RUNDC1: variants seen among roughly 807,000 people sequenced by gnomAD.
The protein encoded by RUNDC1 is RUN domain-containing protein 1.
Under a neutral mutation model 49.3 loss-of-function variants are expected in RUNDC1, and 31 were observed. The observed-to-expected ratio is 0.63, with a 90% CI of 0.47 to 0.85. The LOEUF (loss-of-function observed/expected upper bound fraction) is 0.85, where lower values mean the gene tolerates loss of function less well. RUNDC1 is among the 40% of genes least tolerant of loss of function. The pLI, the probability that RUNDC1 is intolerant of heterozygous loss-of-function variation, is 0.00. For missense variants in RUNDC1, 715 were observed against 806.7 expected, an observed-to-expected ratio of 0.89 and a Z score of 1.38; for synonymous variants, 347 against 348.6, an observed-to-expected ratio of 1.00 and a Z score of 0.05.
intron 3 of RUNDC1, 95 bp from the exon 4 acceptor site, chr17:42,990,222 C>G: frequency 1.3e-6 from 2 of 1,498,952 alleles, no homozygotes; most frequent in Non-Finnish European, 1.8e-6. Context: ...TTGTGAAATT[C>G]TTGTTTCTAA....
chr17:42,989,521 T>C lies in RUNDC1; in HGVS notation c.838T>C (p.Phe280Leu). The stretch of plus-strand genomic sequence containing the variant: ...AACTCAGATCCGAGACCTTGAGATG[T>C]TTATCAACTTCATCCAAGGTTAGAG... ...LKTQIRDLEM[F>L]INFIQDEVGS... is the part of the protein sequence containing the mutation. The change falls in exon 3 of 5, where the codon TTT (phenylalanine) becomes CTT (leucine). Residue 280 changes from phenylalanine to leucine, a missense_variant. Physicochemically the swap from Phe to Leu is conservative, Grantham distance 22. Around this residue, in one of 5 missense-constraint regions of RUNDC1, gnomAD observed 425 missense variants for 499.7 expected, o/e 0.85. Transcript: ENST00000361677. 1.9e-6 allele frequency: 3 copies of C among 1,614,106 alleles called. No homozygotes were observed. The highest frequency in any genetic ancestry group is 1.7e-6 in the Non-Finnish European group (2 of 1,179,986).
At chr17:42,986,691 C>A (rs909705219) in intron 1 of RUNDC1, among the ~76,000 whole-genome samples, 2 of 151,640 alleles carry the variant, frequency 1.3e-5, no homozygotes, top group Admixed American at 6.6e-5. Flanking sequence ...TTAGTAGAGA[C>A]GGGGTTTTAC....
At position 42,990,882 on chromosome 17, in the gene RUNDC1, G is replaced by C. The variant is rs1315463552; in HGVS notation, c.1008G>C (p.Glu336Asp). ...CAGAGGATGTGAAGAAAGTCCGGGAGACGGGGCTGCACCTGATGCGGCGAG... is the reference window on the plus strand; with the variant it reads ...CAGAGGATGTGAAGAAAGTCCGGGACACGGGGCTGCACCTGATGCGGCGAG... ...TKAEDVKKVR[E>D]TGLHLMRRAL... is the part of the protein sequence containing the mutation. The change falls in exon 5 of 5, where the codon GAG (glutamate) becomes GAC (aspartate). Residue 336 changes from glutamate to aspartate, a missense_variant. By Grantham distance (45) the Glu-to-Asp change is conservative. Coordinates refer to ENST00000361677, the MANE Select transcript of RUNDC1 (RefSeq NM_173079.5). The C allele has an allele frequency of 6.2e-7, 1 of 1,604,506 alleles. No individual in the cohort carries two copies. Among genetic ancestry groups the C allele is most frequent in the African/African-American group, 1.3e-5 (1 of 74,784 alleles).
chr17:42,981,180 C>T (rs966892293), intron 1 of RUNDC1, 106 bp downstream of exon 1: 17 of 1,360,296 alleles, frequency 1.2e-5, no homozygotes, highest in Non-Finnish European at 1.7e-5. Context: ...CTCCCCGACT[C>T]GGTCGGTGAG....
chr17:42,991,554 G>A lies in RUNDC1; in HGVS notation c.1680G>A (p.Lys560=), dbSNP rs1312319997. 1 of 1,614,208 alleles carries A rather than the reference G, an allele frequency of 6.2e-7. No individual in the cohort carries two copies. The highest frequency in any genetic ancestry group is 8.5e-7 in the Non-Finnish European group (1 of 1,180,044). Residue 560 remains lysine, a synonymous_variant, in exon 5 of 5, where the codon AAG becomes AAA. Coordinates refer to ENST00000361677, the MANE Select transcript of RUNDC1 (RefSeq NM_173079.5). ...RLVSWVNLIC[K]SGSLIEPHYQ... ...TGTCCTGGGTGAACCTCATCTGCAA[G>A]TCCGGGTCACTCATCGAGCCTCACT...
chr17:42,983,037 T>C (rs1255322603), intron 1 of RUNDC1, among the ~76,000 whole-genome samples: 1 of 143,988 alleles, frequency 6.9e-6, no homozygotes, highest in African/African-American at 2.5e-5. Context: ...AAAAAGACTG[T>C]GTGCAGTGGC....
Position 42,991,950 on chromosome 17 carries a change from C to T in RUNDC1, c.*234C>T, listed in dbSNP as rs549893508. The T allele has an allele frequency of 3.0e-4, 152 of 506,666 alleles. 2 individuals are homozygous for T. Among genetic ancestry groups the T allele is most frequent in the Non-Finnish European group, 3.6e-5 (10 of 281,004 alleles). 31.4% of individuals were successfully genotyped at this position (506,666 alleles called of 1,614,324 possible). A position where few individuals can be genotyped will look rare whatever the true frequency, so the allele number is the denominator to read the frequency against. The stretch of plus-strand genomic sequence containing the variant: ...TTCTGCCAGGCCGGGCGCGGTGGCT[C>T]ACACCTGTAATCCCAGCACTTTGGG... On this transcript the variant is annotated 3_prime_UTR_variant, in exon 5 of 5. Coordinates refer to ENST00000361677, the MANE Select transcript of RUNDC1 (RefSeq NM_173079.5).
intron 2 of RUNDC1, among the ~76,000 whole-genome samples, chr17:42,988,901 C>T (rs2050203433): frequency 6.6e-6 from 1 of 152,118 alleles, no homozygotes; most frequent in Non-Finnish European, 1.5e-5. Context: ...TGCTTGAGCA[C>T]AGGAGTTTGA....
At chr17:42,984,264 C>G (rs1044253419) in intron 1 of RUNDC1, among the ~76,000 whole-genome samples, 3 of 151,430 alleles carry the variant, frequency 2.0e-5, no homozygotes, top group Non-Finnish European at 4.4e-5. Flanking sequence ...GCATGAGCCA[C>G]TGCACCTGGC....
In RUNDC1 at chr17:42,991,771, G is replaced by A; in HGVS notation, c.*55G>A. 2.0e-6 allele frequency: 3 copies of A among 1,535,518 alleles called. No individual in the cohort carries two copies. The highest frequency in any genetic ancestry group is 2.5e-5 in the South Asian group (2 of 80,790). On this transcript the variant is annotated 3_prime_UTR_variant, in exon 5 of 5. Transcript: ENST00000361677. ...TTGTTCAGTAGGGATAGATGTGCTA[G>A]TCTTCTAGCATAGGAGCAAGGAATC...
rs752347491 is a variant in RUNDC1 at position 42,980,625 on chromosome 17, G to C, written c.49G>C (p.Val17Leu). 1.2e-6 allele frequency: 2 copies of C among 1,608,052 alleles called. No individual in the cohort carries two copies. The highest frequency in any genetic ancestry group is 2.7e-5 in the African/African-American group (2 of 74,830). The change falls in exon 1 of 5, where the codon GTT becomes CTT. Residue 17 changes from valine (V) to leucine (L), a missense_variant. By Grantham distance (32) the Val-to-Leu change is conservative. Transcript: ENST00000361677. ...AGAGCCGGTAACGGTGGTGGCGGCTGTTGGGCCAAAGGCGAAAGACGAAGA... is the reference window on the plus strand; with the variant it reads ...AGAGCCGGTAACGGTGGTGGCGGCTCTTGGGCCAAAGGCGAAAGACGAAGA... ...AAEPVTVVAAVGPKAKDEEEE... is the reference protein window; with the variant it reads ...AAEPVTVVAALGPKAKDEEEE...
rs543666652 is a variant in RUNDC1, at chr17:42,994,305, C to T, written c.*2589C>T. On this transcript the variant is annotated 3_prime_UTR_variant, in exon 5 of 5. Transcript: ENST00000361677. ...GTATTAAGGCTTTGTGCTAGCATTACAGGAAGCATTTTCATTTGTCTCATT... is the reference window on the plus strand; with the variant it reads ...GTATTAAGGCTTTGTGCTAGCATTATAGGAAGCATTTTCATTTGTCTCATT... Among the ~76,000 whole-genome samples the T allele has an allele frequency of 1.3e-5, 2 of 152,222 alleles. No homozygotes were observed. Among genetic ancestry groups the T allele is most frequent in the African/African-American group, 4.8e-5 (2 of 41,448 alleles).
chr17:42,984,492 G>A (rs1300484011), intron 1 of RUNDC1, among the ~76,000 whole-genome samples: 1 of 152,146 alleles, frequency 6.6e-6, no homozygotes, highest in Non-Finnish European at 1.5e-5. Context: ...TGTTGGCCAG[G>A]CTGGTCTCGA....
At chr17:42,988,705 G>A (rs575168948) in intron 2 of RUNDC1, among the ~76,000 whole-genome samples, 1 of 152,266 alleles carries the variant, frequency 6.6e-6, no homozygotes, top group South Asian at 2.1e-4. Flanking sequence ...CAGGCCAGTT[G>A]CAGTGGCTCG....
Position 42,991,540 on chromosome 17 carries a change from A to T in RUNDC1, c.1666A>T (p.Asn556Tyr). The T allele has an allele frequency of 6.2e-7, 1 of 1,614,086 alleles. No individual in the cohort carries two copies. Among genetic ancestry groups the T allele is most frequent in the Non-Finnish European group, 8.5e-7 (1 of 1,180,014 alleles). ...TGAGCAGCGTCTGGTGTCCTGGGTG[A>T]ACCTCATCTGCAAGTCCGGGTCACT... The part of the protein sequence containing the change: ...LNEQRLVSWV[N>Y]LICKSGSLIE... The change falls in exon 5 of 5, where the codon AAC becomes TAC. Residue 556 changes from asparagine (N) to tyrosine (Y), a missense_variant. Asn to Tyr is a moderately radical substitution (Grantham distance 143). This residue lies in a region of RUNDC1 where 425 missense variants were observed against 499.7 expected (regional missense o/e 0.85). Coordinates refer to ENST00000361677, the MANE Select transcript of RUNDC1 (RefSeq NM_173079.5).
rs912167206 is a variant in RUNDC1, at chr17:42,981,187, T to C, written c.498+113T>C. The C allele has an allele frequency of 2.3e-6, 3 of 1,320,654 alleles. No individual in the cohort carries two copies. In the African/African-American group the frequency reaches 4.6e-5, roughly 20 times the overall value. 81.8% of individuals were successfully genotyped at this position (1,320,654 alleles called of 1,614,324 possible). On this transcript the variant is annotated intron_variant, in intron 1 of 4. Transcript: ENST00000361677. ...GGAGAAGCCTCCCCGACTCGGTCGG[T>C]GAGTACGTGTGTCGGAGACCAGGGG... is the stretch of plus-strand genomic sequence containing the variant.
At position 42,991,191 on chromosome 17, in the gene RUNDC1, C is replaced by G. The variant is rs779129756; in HGVS notation, c.1317C>G (p.Ala439=). The G allele has an allele frequency of 1.2e-6, 2 of 1,614,190 alleles. No homozygotes were observed. The highest frequency in any genetic ancestry group is 4.5e-5 in the East Asian group (2 of 44,884). The change falls in exon 5 of 5, where the codon GCC becomes GCG. Residue 439 remains alanine, a synonymous_variant. Coordinates refer to ENST00000361677, the MANE Select transcript of RUNDC1 (RefSeq NM_173079.5). ...ELTVAVRDLL[A]HGLYASSPGM... The stretch of plus-strand genomic sequence containing the variant: ...CGGTGGCTGTGAGGGACCTGCTGGC[C>G]CATGGACTGTATGCCTCCTCCCCAG...
chr17:42,983,945 A>G (rs1032681081), intron 1 of RUNDC1, among the ~76,000 whole-genome samples: 6 of 151,460 alleles, frequency 4.0e-5, no homozygotes, highest in African/African-American at 1.5e-4. Context: ...CGGCCTCCCA[A>G]AGTGCTGGGA....
intron 1 of RUNDC1, 98 bp from the exon 2 acceptor site, chr17:42,987,158 C>A: frequency 1.3e-6 from 1 of 775,390 alleles, no homozygotes; most frequent in South Asian, 1.9e-5. Context: ...TTGGAAACAT[C>A]TTATATTTTA....
Sources: gnomAD v4.1 joint callset for allele counts (sites outside exome capture counted in the v4.1 genomes callset) on GRCh38, gnomAD v4.1.1 for gene constraint, gnomAD v4.1.1 regional missense constraint, MANE v1.5 for transcripts, NCBI Gene and HGNC (gene_info 2026-07-23, HGNC 2026-07-21) for gene names.